KCND3: variants seen among roughly 807,000 people sequenced by gnomAD.
KCND3 encodes the protein potassium voltage-gated channel subfamily D member 3.
Under a neutral mutation model 51.1 loss-of-function variants are expected in KCND3, and 9 were observed. That is an observed-to-expected ratio of 0.18 (90% CI 0.11 to 0.31). KCND3 has a LOEUF of 0.31. KCND3 is among the 10% of genes least tolerant of loss of function. KCND3 has a pLI of 1.00. For missense variants in KCND3, 526 were observed against 903.8 expected (o/e 0.58, Z 5.36); for synonymous variants, 349 against 368.0 (o/e 0.95, Z 0.59).
intron 2 of KCND3, among the ~76,000 whole-genome samples, chr1:111,928,586 G>A (rs1199425130): frequency 2.0e-5 from 3 of 152,246 alleles, no homozygotes; most frequent in Non-Finnish European, 4.4e-5. Flanking sequence ...TTGAGGTTAA[G>A]ATGAACTTTC....
chr1:111,909,869 T>C (rs2101811613), intron 2 of KCND3: 1 of 152,338 alleles, frequency 6.6e-6, no homozygotes, highest in East Asian at 1.9e-4. Flanking sequence ...AATGAGCTAA[T>C]GCATGCCCAC....
At chr1:111,898,808 G>T (rs568359283) in intron 2 of KCND3, among the ~76,000 whole-genome samples, 1 of 152,220 alleles carries the variant, frequency 6.6e-6, no homozygotes, top group Non-Finnish European at 1.5e-5. Flanking sequence ...GGGCAGAGTT[G>T]GGGGTAGAGG....
chr1:111,827,238 G>A (rs900731437), intron 2 of KCND3, among the ~76,000 whole-genome samples: 8 of 152,214 alleles, frequency 5.3e-5, no homozygotes, highest in African/African-American at 1.7e-4. Flanking sequence ...AGATGTGTAC[G>A]CAGATGACGG....
chr1:111,874,841 C>T (rs1440069293), intron 2 of KCND3, among the ~76,000 whole-genome samples: 1 of 152,184 alleles, frequency 6.6e-6, no homozygotes, highest in Admixed American at 6.5e-5. Flanking sequence ...ACCCCAGGGC[C>T]TTTCCTTTGT....
At chr1:111,962,692 G>T (rs956269812) in intron 2 of KCND3, among the ~76,000 whole-genome samples, 1 of 152,192 alleles carries the variant, frequency 6.6e-6, no homozygotes, top group African/African-American at 2.4e-5. Flanking sequence ...CAGTCCACAT[G>T]GTTCATGGTT....
chr1:111,920,959 T>C (rs1346951701), intron 2 of KCND3, among the ~76,000 whole-genome samples: 1 of 152,130 alleles, frequency 6.6e-6, no homozygotes, highest in Non-Finnish European at 1.5e-5. Context: ...CTCTAAACCC[T>C]GTGTATGGTT....
At chr1:111,906,293 C>T (rs750522930) in intron 2 of KCND3, among the ~76,000 whole-genome samples, 34 of 152,132 alleles carry the variant, frequency 2.2e-4, no homozygotes, top group African/African-American at 6.8e-4. Flanking sequence ...ACTATGAACA[C>T]GCCCGAACAT....
chr1:111,983,820 T>C (rs1434582839), intron 1 of KCND3, among the ~76,000 whole-genome samples: 2 of 152,150 alleles, frequency 1.3e-5, no homozygotes, highest in Non-Finnish European at 2.9e-5. Flanking sequence ...TAAACCACAC[T>C]GCATAAGCAC....
At chr1:111,835,552 G>T (rs1281136279) in intron 2 of KCND3, among the ~76,000 whole-genome samples, 2 of 152,058 alleles carry the variant, frequency 1.3e-5, no homozygotes, top group African/African-American at 4.8e-5. Flanking sequence ...AACCAAGATG[G>T]CAATGAAAGT....
intron 2 of KCND3, among the ~76,000 whole-genome samples, chr1:111,810,348 T>C (rs1665792083): frequency 6.6e-6 from 1 of 152,200 alleles, no homozygotes. Context: ...TGGGACCGAA[T>C]ACCTTGAGAG....
intron 2 of KCND3, among the ~76,000 whole-genome samples, chr1:111,900,698 CT>C (rs1396815880): frequency 6.6e-6 from 1 of 152,130 alleles, no homozygotes; most frequent in Non-Finnish European, 1.5e-5. Flanking sequence ...TGGCTCATGC[CT>C]GTAATCCAGC....
chr1:111,889,324 G>A (rs768333981), intron 2 of KCND3, among the ~76,000 whole-genome samples: 1 of 152,188 alleles, frequency 6.6e-6, no homozygotes, highest in Non-Finnish European at 1.5e-5. Context: ...TGGGACCCTG[G>A]CACCTGCTAG....
At chr1:111,856,709 C>A (rs1014621343) in intron 2 of KCND3, 1 of 152,354 alleles carries the variant, frequency 6.6e-6, no homozygotes, top group African/African-American at 2.4e-5. Context: ...TACTTATGAG[C>A]ACTGGTTCCA....
chr1:111,825,026 G>A (rs1666513475), intron 2 of KCND3, among the ~76,000 whole-genome samples: 1 of 152,150 alleles, frequency 6.6e-6, no homozygotes. Context: ...TTCAGTAACA[G>A]TGTTAAAGAT....
At chr1:111,779,908 G>GAACA (rs1664298082) in intron 5 of KCND3, among the ~76,000 whole-genome samples, 1 of 152,260 alleles carries the variant, frequency 6.6e-6, no homozygotes, top group Non-Finnish European at 1.5e-5. Flanking sequence ...ATGCCTGTCA[G>GAACA]AACTGAGAAA....
chr1:111,851,239 T>C (rs1174612091), intron 2 of KCND3, among the ~76,000 whole-genome samples: 1 of 152,236 alleles, frequency 6.6e-6, no homozygotes, highest in African/African-American at 2.4e-5. Flanking sequence ...CACTGACTTA[T>C]AATGATTTTG....
intron 2 of KCND3, among the ~76,000 whole-genome samples, chr1:111,875,697 C>T (rs12068670): frequency 1.3e-5 from 2 of 152,268 alleles, no homozygotes; most frequent in East Asian, 3.9e-4. Flanking sequence ...TTCTCCTCCC[C>T]CTGGGACACT....
intron 2 of KCND3, among the ~76,000 whole-genome samples, chr1:111,856,294 C>T (rs1293345754): frequency 6.6e-6 from 1 of 152,250 alleles, no homozygotes; most frequent in Admixed American, 6.5e-5. Context: ...TGAGACCTTG[C>T]ACTGTGTGTG....
Position 111,776,049 on chromosome 1 carries a change from A to T in KCND3, c.*28T>A. ...ATGCCAGTCCCCTTCATTCCCCACTACCCACTCTGGCCCTCTGTCCAGTGG... is the reference window on the plus strand; with the variant it reads ...ATGCCAGTCCCCTTCATTCCCCACTTCCCACTCTGGCCCTCTGTCCAGTGG... On this transcript the variant is annotated 3_prime_UTR_variant, in exon 8 of 8. Transcript: ENST00000302127. 6.2e-7 allele frequency: 1 copy of T among 1,612,190 alleles called. No individual in the cohort carries two copies. The highest frequency in any genetic ancestry group is 2.2e-5 in the East Asian group (1 of 44,852).
Sources: gnomAD v4.1 joint callset for allele counts (sites outside exome capture counted in the v4.1 genomes callset) on GRCh38, gnomAD v4.1.1 for gene constraint, MANE v1.5 for transcripts, NCBI Gene and HGNC (gene_info 2026-07-23, HGNC 2026-07-21) for gene names.